LAMA5: variants seen among roughly 807,000 people sequenced by gnomAD.
The protein encoded by LAMA5 is laminin subunit alpha-5.
In LAMA5, 260 loss-of-function variants were observed where a neutral mutation model predicts 433.4. The observed-to-expected ratio is 0.60, with a 90% CI of 0.54 to 0.66. The LOEUF (loss-of-function observed/expected upper bound fraction) is 0.66. Ranked by LOEUF, LAMA5 falls within the 30% of genes least tolerant of loss-of-function variation. The probability of loss-of-function intolerance (pLI) is 0.00; values close to 1 mark genes in which losing one functional copy is unlikely to be tolerated. For missense variants in LAMA5, 5,378 were observed against 5,258.5 expected, an observed-to-expected ratio of 1.02 and a Z score of -0.70; for synonymous variants, 2,620 against 2,226.6, an observed-to-expected ratio of 1.18 and a Z score of -4.97.
rs781008505 is a variant in LAMA5, at chr20:62,318,900, G to A, written c.6985C>T (p.Arg2329Trp). The change falls in exon 52 of 80, where the codon CGG (arginine) becomes TGG (tryptophan). Residue 2329 changes from arginine to tryptophan, a missense_variant. Physicochemically the swap from Arg to Trp is moderately radical, Grantham distance 101. Transcript: ENST00000252999. ...GCTGCCTGCGGGGCCCCCAGGTCCC[G>A]GGCCCGCATCTCCCAGAGCAGCCGC... is the stretch of plus-strand genomic sequence containing the variant. ...VERLLWEMRA[R>W]DLGAPQAAAE... The A allele has an allele frequency of 6.9e-5, 111 of 1,605,832 alleles. No individual in the cohort carries two copies. The highest frequency in any genetic ancestry group is 1.7e-4 in the Middle Eastern group (1 of 6,044).
chr20:62,322,324 G>A lies in LAMA5; in HGVS notation c.6291C>T (p.Pro2097=). The change falls in exon 47 of 80, where the codon CCC becomes CCT. Residue 2097 remains proline, a synonymous_variant. Transcript: ENST00000252999. ...AGCCAGGGGCACACTCGCGGCACTG[G>A]GGTCCCATGGTCCCTGGTCGGCAGT... ...QCHCRPGTMG[P]QCRECAPGYW... 1.3e-6 allele frequency: 2 copies of A among 1,599,938 alleles called. No individual in the cohort carries two copies. The highest frequency in any genetic ancestry group is 1.1e-5 in the South Asian group (1 of 89,426).
intron 55 of LAMA5, 43 bp downstream of exon 55, chr20:62,317,302 T>A: frequency 1.9e-6 from 3 of 1,539,832 alleles, no homozygotes; most frequent in Non-Finnish European, 2.6e-6. Context: ...CCTGTCTGCA[T>A]CCCCAGGGTG....
At position 62,310,742 on chromosome 20, in the gene LAMA5, G is replaced by A. The variant is rs1175939246; in HGVS notation, c.10369C>T (p.Gln3457Ter). 1 of 1,575,502 alleles carries A rather than the reference G, an allele frequency of 6.3e-7. No homozygotes were observed. The highest frequency in any genetic ancestry group is 8.6e-7 in the Non-Finnish European group (1 of 1,163,686). The change falls in exon 75 of 80, where the codon CAG (glutamine) becomes TAG (stop). Residue 3457 changes from glutamine (Q) to a stop codon, truncating the protein, a stop_gained. Coordinates refer to ENST00000252999, the MANE Select transcript of LAMA5 (RefSeq NM_005560.6). LOFTEE classifies it high-confidence loss of function. ...TGGGGCTGGGGGTGCTCTGCCCCCT[G>A]GTGCTGCCGGTGCGGCCCCTCCTGG... ...WSQEGPHRQH[Q>*]GAEHPQPHTL...
chr20:62,316,794 C>A, intron 56 of LAMA5, 21 bp from the exon 57 acceptor site: 1 of 1,587,342 alleles, frequency 6.3e-7, no homozygotes, highest in East Asian at 2.3e-5. Flanking sequence ...CAGGGCAGAC[C>A]GTGGCTCAGA....
In LAMA5 at chr20:62,318,905, C is replaced by T. The variant is rs200655534; in HGVS notation, c.6980G>A (p.Arg2327Gln). Reference protein sequence around the residue: ...AEVERLLWEMRARDLGAPQAA... With the variant: ...AEVERLLWEMQARDLGAPQAA... ...CTGCGGGGCCCCCAGGTCCCGGGCC[C>T]GCATCTCCCAGAGCAGCCGCTCCAC... is the stretch of plus-strand genomic sequence containing the variant. The change falls in exon 52 of 80, where the codon CGG (arginine) becomes CAG (glutamine). Residue 2327 changes from arginine to glutamine, a missense_variant. Coordinates refer to ENST00000252999, the MANE Select transcript of LAMA5 (RefSeq NM_005560.6). The T allele has an allele frequency of 1.2e-4, 187 of 1,605,232 alleles. No individual in the cohort carries two copies. The African/African-American group carries it at 1.7e-3, about 15-fold the overall frequency.
chr20:62,313,738 C>T lies in LAMA5; in HGVS notation c.8569G>A (p.Asp2857Asn). ...ERQMIQETKGDTVAPGAEGLL... is the reference protein window; with the variant it reads ...ERQMIQETKGNTVAPGAEGLL... ...CCCTCTGCCCCAGGGGCCACCGTGT[C>T]ACCCTTGGTTTCCTGGATCATCTGT... The change falls in exon 63 of 80, where the codon GAC becomes AAC. Residue 2857 changes from aspartate (D) to asparagine (N), a missense_variant. By Grantham distance (23) the Asp-to-Asn change is conservative. Coordinates refer to ENST00000252999, the MANE Select transcript of LAMA5 (RefSeq NM_005560.6). The T allele has an allele frequency of 6.2e-7, 1 of 1,612,976 alleles. No homozygotes were observed. The highest frequency in any genetic ancestry group is 8.5e-7 in the Non-Finnish European group (1 of 1,179,986).
Position 62,324,517 on chromosome 20 carries a change from A to G in LAMA5, c.5567T>C (p.Leu1856Pro), listed in dbSNP as rs768638530. ...APGFYRDVKGLFLGRCVPCQC... is the reference protein window; with the variant it reads ...APGFYRDVKGPFLGRCVPCQC... Reference sequence around the variant, plus strand: ...ACAAGGGACACATCGGCCCAGGAAGAGACCTTTGACGTCCCGATAGAAGCC... The same window carrying G: ...ACAAGGGACACATCGGCCCAGGAAGGGACCTTTGACGTCCCGATAGAAGCC... The change falls in exon 42 of 80, where the codon CTC becomes CCC. Residue 1856 changes from leucine (L) to proline (P), a missense_variant. Coordinates refer to ENST00000252999, the MANE Select transcript of LAMA5 (RefSeq NM_005560.6). This position sits in a 1 kb window ranked among gnomAD's most constrained non-coding sequence, Gnocchi z 4.4. 3 of 1,612,254 alleles carry G rather than the reference A, an allele frequency of 1.9e-6. No homozygotes were observed. The highest frequency in any genetic ancestry group is 1.7e-6 in the Non-Finnish European group (2 of 1,179,726).
intron 11 of LAMA5, among the ~76,000 whole-genome samples, chr20:62,342,674 G>C (rs974919788): frequency 6.6e-6 from 1 of 151,660 alleles, no homozygotes; most frequent in East Asian, 1.9e-4. Flanking sequence ...GCGAGACTCC[G>C]TCTCAAACAA....
rs757718674 is a variant in LAMA5, at chr20:62,338,458, G to A, written c.1618+10C>T. On this transcript the variant is annotated intron_variant, in intron 12 of 79. Transcript: ENST00000252999. ...CGCAGGTAGAGGTTGAGCGGGGAGA[G>A]GGGACTCACGCTGGCAGCCGGGGCC... 17 of 1,607,826 alleles carry A rather than the reference G, an allele frequency of 1.1e-5. No homozygotes were observed. The South Asian group carries it at 1.9e-4, about 18-fold the overall frequency.
Position 62,314,690 on chromosome 20 carries a change from C to T in LAMA5, c.8232G>A (p.Gly2744=). The change falls in exon 61 of 80, where the codon GGG becomes GGA. Residue 2744 remains glycine (G), a synonymous_variant. Coordinates refer to ENST00000252999, the MANE Select transcript of LAMA5 (RefSeq NM_005560.6). ...KVPMKFNGRS[G]VQLRTPRDLA... Reference sequence around the variant, plus strand: ...GATCCCGTGGGGTGCGCAGCTGCACCCCTGAGCGCCCGTTGAACTTCATGG... The same window carrying T: ...GATCCCGTGGGGTGCGCAGCTGCACTCCTGAGCGCCCGTTGAACTTCATGG... The T allele has an allele frequency of 6.2e-7, 1 of 1,612,654 alleles. No homozygotes were observed. Among genetic ancestry groups the T allele is most frequent in the South Asian group, 1.1e-5 (1 of 91,070 alleles).
chr20:62,341,826 C>CAAAAAAAAAAAAAAAAAAAAAACAAAA (rs11466846), intron 11 of LAMA5, among the ~76,000 whole-genome samples: 1 of 128,156 alleles, frequency 7.8e-6, no homozygotes, highest in African/African-American at 3.8e-5. Flanking sequence ...TCTGATCAAC[C>CAAAAAAAAAAAAAAAAAAAAAACAAAA]AAAAAAAAAA....
At chr20:62,353,584 C>T (rs561045689) in intron 2 of LAMA5, among the ~76,000 whole-genome samples, 4 of 152,260 alleles carry the variant, frequency 2.6e-5, no homozygotes, top group African/African-American at 7.2e-5. Context: ...ATGGAGCAAG[C>T]TAGGGAGAGG....
chr20:62,336,932 A>C, intron 16 of LAMA5, 146 bp from the exon 17 acceptor site: 1 of 767,612 alleles, frequency 1.3e-6, no homozygotes, highest in Non-Finnish European at 2.2e-6. Flanking sequence ...GCCTGAAAAC[A>C]CGCACCTCCC....
At chr20:62,316,642 A>C in intron 57 of LAMA5, 29 bp downstream of exon 57, 1 of 1,487,602 alleles carries the variant, frequency 6.7e-7, no homozygotes, top group Non-Finnish European at 9.1e-7. Flanking sequence ...CAGCAGGCCT[A>C]AGGGCCCCCA....
chr20:62,346,050 G>A (rs757512535), intron 10 of LAMA5, 31 bp downstream of exon 10: 3 of 1,611,268 alleles, frequency 1.9e-6, no homozygotes, highest in Non-Finnish European at 2.5e-6. Flanking sequence ...AGGCAGTGGT[G>A]TCTGTTTGGA....
Position 62,329,209 on chromosome 20 carries a change from G to T in LAMA5, c.4164C>A (p.Tyr1388Ter). The change falls in exon 33 of 80, where the codon TAC becomes TAA. Residue 1388 changes from tyrosine to a stop codon, truncating the protein, a stop_gained. Coordinates refer to ENST00000252999, the MANE Select transcript of LAMA5 (RefSeq NM_005560.6). LOFTEE classifies it high-confidence loss of function. Reference sequence around the variant, plus strand: ...ATTTATCCAGGGGCTCCTCCCGGAGGTAGCCAAAGCTGTAGACGTTCTCAG... The same window carrying T: ...ATTTATCCAGGGGCTCCTCCCGGAGTTAGCCAAAGCTGTAGACGTTCTCAG... The part of the protein sequence containing the change: ...VVPENVYSFG[Y>*]LREEPLDKSY... 1 of 1,612,862 alleles carries T rather than the reference G, an allele frequency of 6.2e-7. No individual in the cohort carries two copies. Among genetic ancestry groups the T allele is most frequent in the African/African-American group, 1.3e-5 (1 of 75,058 alleles).
Position 62,310,264 on chromosome 20 carries a change from G to A in LAMA5, c.10648C>T (p.Arg3550Trp), listed in dbSNP as rs375766783. Residue 3550 changes from arginine to tryptophan, a missense_variant, in exon 77 of 80, where the codon CGG becomes TGG. Arg to Trp is a moderately radical substitution (Grantham distance 101, BLOSUM62 -3). Coordinates refer to ENST00000252999, the MANE Select transcript of LAMA5 (RefSeq NM_005560.6). ...ATCAGTCCGGTGACTGCCAGGGGCC[G>A]CACCTCCAGTTCCAGGCCCACATCA... ...LPDVGLELEV[R>W]PLAVTGLIFH... 31 of 1,611,542 alleles carry A rather than the reference G, an allele frequency of 1.9e-5. No individual in the cohort carries two copies. The highest frequency in any genetic ancestry group is 1.9e-5 in the Non-Finnish European group (22 of 1,179,408).
At chr20:62,314,173 C>T (rs1330414809) in intron 62 of LAMA5, 131 bp downstream of exon 62, 23 of 1,171,722 alleles carry the variant, frequency 2.0e-5, no homozygotes, top group African/African-American at 1.1e-4. Context: ...CGAGTGGGCA[C>T]GGAGAGGCGA....
intron 11 of LAMA5, among the ~76,000 whole-genome samples, chr20:62,341,333 C>A (rs1225756813): frequency 6.6e-6 from 1 of 152,160 alleles, no homozygotes; most frequent in Non-Finnish European, 1.5e-5. Context: ...TCTCAAACTA[C>A]AAGATACCTA....
Sources: allele counts gnomAD v4.1 joint callset (sites outside exome capture counted in the v4.1 genomes callset), GRCh38; gene constraint gnomAD v4.1.1; non-coding constraint Gnocchi (gnomAD v3.1); transcripts MANE v1.5; gene names NCBI Gene and HGNC (gene_info 2026-07-23, HGNC 2026-07-21).